The following EPHA4 variants were observed in gnomAD, a reference collection of about 807,000 sequenced individuals.
EPHA4 encodes the protein EPH receptor A4.
A neutral mutation model predicts 108.3 loss-of-function variants in EPHA4; 19 were observed. The observed-to-expected ratio is 0.18, with a 90% CI of 0.12 to 0.26. The LOEUF is 0.26. Among genes scored for constraint, EPHA4 ranks in the 10% least tolerant of loss-of-function variants. The pLI is 1.00. For synonymous variants in EPHA4, 449 were observed against 455.5 expected (o/e 0.99, Z 0.18); for missense variants, 917 against 1,254.0 (o/e 0.73, Z 4.06).
intron 5 of EPHA4, among the ~76,000 whole-genome samples, chr2:221,475,297 T>A (rs537063665): frequency 2.0e-4 from 31 of 152,324 alleles, no homozygotes; most frequent in African/African-American, 7.5e-4. Flanking sequence ...TCCATTTAAA[T>A]CTGAGTGCCA....
intron 1 of EPHA4, among the ~76,000 whole-genome samples, chr2:221,570,138 G>C (rs1050043147): frequency 2.6e-5 from 4 of 152,128 alleles, no homozygotes; most frequent in Non-Finnish European, 5.9e-5. Flanking sequence ...AAAAAGGAGG[G>C]AGTAGAAAGG....
At position 221,556,028 on chromosome 2, in the gene EPHA4, G is replaced by A. The variant is rs13419874; in HGVS notation, c.823+7703C>T. Among the ~76,000 whole-genome samples the A allele has an allele frequency of 9.9e-3, 1,511 of 152,326 alleles. 30 individuals are homozygous for A. The highest frequency in any genetic ancestry group is 0.034 in the African/African-American group (1,420 of 41,564). On this transcript the variant is annotated intron_variant, in intron 3 of 17. Transcript: ENST00000281821. ...GAAACTGAAAAGTGATGGACTAGGTGCAGTAGTTCTCAACATTTTCGGCCT... is the reference window on the plus strand; with the variant it reads ...GAAACTGAAAAGTGATGGACTAGGTACAGTAGTTCTCAACATTTTCGGCCT...
At chr2:221,446,847 G>T (rs1221349853) in intron 8 of EPHA4, among the ~76,000 whole-genome samples, 1 of 152,148 alleles carries the variant, frequency 6.6e-6, no homozygotes. Flanking sequence ...ATGAGCAAGG[G>T]TAAAAATGAG....
intron 4 of EPHA4, among the ~76,000 whole-genome samples, chr2:221,498,145 A>G (rs987816779): frequency 2.0e-5 from 3 of 152,240 alleles, no homozygotes; most frequent in East Asian, 1.9e-4. Flanking sequence ...TGATGGGCAC[A>G]TGGTCCCCTT....
chr2:221,462,039 A>G (rs1002227701), intron 5 of EPHA4, among the ~76,000 whole-genome samples: 2 of 148,534 alleles, frequency 1.3e-5, no homozygotes, highest in African/African-American at 4.9e-5. Context: ...TCATAGATTG[A>G]AAAGCATTCC....
At chr2:221,426,368 T>C in intron 16 of EPHA4, 96 bp downstream of exon 16, 1 of 1,429,474 alleles carries the variant, frequency 7.0e-7, no homozygotes, top group South Asian at 1.4e-5. Context: ...CCAGATTTTT[T>C]TTAAATGAGT....
intron 2 of EPHA4, among the ~76,000 whole-genome samples, chr2:221,564,784 C>A (rs1202138717): frequency 6.8e-6 from 1 of 146,574 alleles, no homozygotes; most frequent in Non-Finnish European, 1.5e-5. Context: ...AACCACTGAG[C>A]AGAGACCTGC....
At chr2:221,499,715 A>AATATATATATAT (rs369326575) in intron 4 of EPHA4, among the ~76,000 whole-genome samples, 1 of 48,450 alleles carries the variant, frequency 2.1e-5, no homozygotes, top group African/African-American at 8.2e-5. Flanking sequence ...AACTAAAACT[A>AATATATATATAT]ATATATATAT....
At chr2:221,505,099 C>T (rs1351490262) in intron 3 of EPHA4, among the ~76,000 whole-genome samples, 1 of 152,146 alleles carries the variant, frequency 6.6e-6, no homozygotes, top group Non-Finnish European at 1.5e-5. Context: ...CAGAGCTACA[C>T]TGTCCATTAA....
chr2:221,536,602 C>A (rs920022206), intron 3 of EPHA4, among the ~76,000 whole-genome samples: 2 of 152,122 alleles, frequency 1.3e-5, no homozygotes, highest in African/African-American at 4.8e-5. Context: ...TCAGAAAATC[C>A]CTCTAAACAA....
intron 5 of EPHA4, among the ~76,000 whole-genome samples, chr2:221,471,179 A>G (rs1691476299): frequency 6.6e-6 from 1 of 152,164 alleles, no homozygotes; most frequent in African/African-American, 2.4e-5. Context: ...CATAAGAAAT[A>G]ATAAAGAATG....
intron 3 of EPHA4, among the ~76,000 whole-genome samples, chr2:221,553,680 C>T (rs1435874423): frequency 6.6e-6 from 1 of 152,150 alleles, no homozygotes; most frequent in African/African-American, 2.4e-5. Flanking sequence ...AGAGATAACG[C>T]CATAAAATAT....
At chr2:221,558,955 T>A (rs997867719) in intron 3 of EPHA4, among the ~76,000 whole-genome samples, 7 of 152,226 alleles carry the variant, frequency 4.6e-5, no homozygotes, top group Non-Finnish European at 8.8e-5. Context: ...GGAAGCAGCA[T>A]CTCTGTGAAG....
chr2:221,437,043 T>A lies in EPHA4; in HGVS notation c.2136+18A>T. On this transcript the variant is annotated intron_variant, in intron 12 of 17. Coordinates refer to ENST00000281821, the MANE Select transcript of EPHA4 (RefSeq NM_004438.5). ...TAAATACCAACATTCTTGGGTTTAATATAAAGTAGTCACATACCCTGAGGA... is the reference window on the plus strand; with the variant it reads ...TAAATACCAACATTCTTGGGTTTAAAATAAAGTAGTCACATACCCTGAGGA... 1 of 1,583,502 alleles carries A rather than the reference T, an allele frequency of 6.3e-7. No individual in the cohort carries two copies. The highest frequency in any genetic ancestry group is 8.7e-7 in the Non-Finnish European group (1 of 1,153,358).
Position 221,566,885 on chromosome 2 carries a change from AGAAGG to A in EPHA4, c.159+1828_159+1832del, listed in dbSNP as rs1559297144. On this transcript the variant is annotated intron_variant, in intron 2 of 17. Transcript: ENST00000281821. ...AAGAAGAAGAAGAAGAAGGAGAAGG[AGAAGG>A]AGAAGGAGAAGGAGAAGGAGAAGGA... 5.1e-3 allele frequency among the ~76,000 whole-genome samples: 145 copies of A among 28,606 alleles called. 40 individuals carry two copies. The highest frequency in any genetic ancestry group is 0.019 in the African/African-American group (80 of 4,190). 18.8% of individuals were successfully genotyped at this position (28,606 alleles called of 152,430 possible). A position where few individuals can be genotyped will look rare whatever the true frequency, so the allele number is the denominator to read the frequency against.
chr2:221,427,205 C>G (rs1689938553), intron 15 of EPHA4, among the ~76,000 whole-genome samples: 1 of 152,198 alleles, frequency 6.6e-6, no homozygotes, highest in South Asian at 2.1e-4. Context: ...CCATGCCTGA[C>G]CAGCACGAGT....
At position 221,548,979 on chromosome 2, in the gene EPHA4, C is replaced by T. The variant is rs565057817; in HGVS notation, c.823+14752G>A. On this transcript the variant is annotated intron_variant, in intron 3 of 17. Transcript: ENST00000281821. ...AGGGCTACTAAATTCTCTATAACTC[C>T]GGTAGTCCCAGCCACTTGGGAGTCC... Among the ~76,000 whole-genome samples the T allele has an allele frequency of 4.6e-5, 7 of 152,234 alleles. No individual in the cohort carries two copies. The South Asian group carries it at 1.2e-3, about 27-fold the overall frequency.
intron 5 of EPHA4, among the ~76,000 whole-genome samples, chr2:221,466,748 A>G (rs73087970): frequency 0.023 from 3,536 of 152,286 alleles, 90 homozygotes; most frequent in East Asian, 0.081. Context: ...ATTTTTATAG[A>G]TCAAGAAGAT....
intron 3 of EPHA4, among the ~76,000 whole-genome samples, chr2:221,553,839 A>G (rs1251025496): frequency 1.3e-5 from 2 of 152,194 alleles, no homozygotes; most frequent in Non-Finnish European, 2.9e-5. Flanking sequence ...TTTGCCTTCT[A>G]TTAAGAATTG....
Sources: allele counts gnomAD v4.1 joint callset (sites outside exome capture counted in the v4.1 genomes callset), GRCh38; gene constraint gnomAD v4.1.1; transcripts MANE v1.5; gene names NCBI Gene and HGNC (gene_info 2026-07-23, HGNC 2026-07-21).